ATXN7L1: variants seen among roughly 807,000 people sequenced by gnomAD.
ATXN7L1 encodes the protein ataxin-7-like protein 1.
Under a neutral mutation model 70.8 loss-of-function variants are expected in ATXN7L1, and 15 were observed. The ratio of observed to expected loss-of-function variants is 0.21; its 90% CI spans 0.14 to 0.33. ATXN7L1 has a LOEUF of 0.33. Ranked by LOEUF, ATXN7L1 falls within the 10% of genes least tolerant of loss-of-function variation. ATXN7L1 has a pLI of 1.00. For missense variants in ATXN7L1, 975 were observed against 1,097.1 expected (o/e 0.89, Z 1.57); for synonymous variants, 440 against 445.1 (o/e 0.99, Z 0.14).
At chr7:105,623,915 G>T (rs1393783831) in intron 8 of ATXN7L1, among the ~76,000 whole-genome samples, 160 bp downstream of exon 8, 1 of 152,222 alleles carries the variant, frequency 6.6e-6, no homozygotes, top group African/African-American at 2.4e-5. Context: ...TAATGTTCAA[G>T]GGTATTTCTA....
intron 3 of ATXN7L1, among the ~76,000 whole-genome samples, chr7:105,693,415 C>A (rs1336496083): frequency 6.6e-6 from 1 of 152,154 alleles, no homozygotes; most frequent in Non-Finnish European, 1.5e-5. Context: ...TAGTCCTGAA[C>A]TCCTGGCCTC....
chr7:105,784,219 C>A (rs780242167), intron 3 of ATXN7L1, among the ~76,000 whole-genome samples: 3 of 152,152 alleles, frequency 2.0e-5, no homozygotes, highest in Non-Finnish European at 4.4e-5. Context: ...CTCCCTTGGC[C>A]TCCCAAAATG....
At chr7:105,807,703 G>A (rs1807821986) in intron 2 of ATXN7L1, among the ~76,000 whole-genome samples, 2 of 152,236 alleles carry the variant, frequency 1.3e-5, no homozygotes, top group Non-Finnish European at 2.9e-5. Context: ...CTGGGCTGCA[G>A]TAGCATGGAC....
At chr7:105,707,153 T>C (rs1352862246) in intron 3 of ATXN7L1, among the ~76,000 whole-genome samples, 1 of 152,022 alleles carries the variant, frequency 6.6e-6, no homozygotes, top group Non-Finnish European at 1.5e-5. Context: ...GGCTTCCTGG[T>C]GGAGTTAGAT....
chr7:105,819,908 G>T (rs1330438350), intron 2 of ATXN7L1: 6 of 534,320 alleles, frequency 1.1e-5, no homozygotes, highest in Non-Finnish European at 2.2e-5. Flanking sequence ...TACGTGGGGC[G>T]CCTGGCTCAC....
chr7:105,640,069 G>T lies in ATXN7L1; in HGVS notation c.863-500C>A, dbSNP rs559020242. ...CCTGCTAGTTTTAGCCATGTAAATG[G>T]GAGATTACTCCTTGACATGTCAGAG... On this transcript the variant is annotated intron_variant, in intron 5 of 11. Transcript: ENST00000419735. Among the ~76,000 whole-genome samples, 6 of 152,252 alleles carry T rather than the reference G, an allele frequency of 3.9e-5. No homozygotes were observed. In the East Asian group the frequency reaches 1.2e-3, roughly 29 times the overall value.
At chr7:105,717,299 T>G (rs1174183894) in intron 3 of ATXN7L1, among the ~76,000 whole-genome samples, 3 of 152,164 alleles carry the variant, frequency 2.0e-5, no homozygotes, top group Admixed American at 2.0e-4. Flanking sequence ...GGCTAATTTT[T>G]GTATTTTTAG....
At chr7:105,701,854 G>A (rs1299450304) in intron 3 of ATXN7L1, among the ~76,000 whole-genome samples, 1 of 152,166 alleles carries the variant, frequency 6.6e-6, no homozygotes, top group Non-Finnish European at 1.5e-5. Flanking sequence ...ACAAGCATGA[G>A]CCACGGTGCC....
At chr7:105,835,812 C>T (rs1358823449) in intron 2 of ATXN7L1, among the ~76,000 whole-genome samples, 1 of 152,094 alleles carries the variant, frequency 6.6e-6, no homozygotes, top group Non-Finnish European at 1.5e-5. Context: ...AAGGGACTTT[C>T]ACAACACTGG....
chr7:105,768,965 C>A (rs1216316949), intron 3 of ATXN7L1, among the ~76,000 whole-genome samples: 2 of 152,172 alleles, frequency 1.3e-5, no homozygotes, highest in Non-Finnish European at 2.9e-5. Context: ...GCCTTTTCCC[C>A]CCCTGGGGTC....
At chr7:105,865,910 C>A (rs1817398381) in intron 2 of ATXN7L1, among the ~76,000 whole-genome samples, 1 of 152,156 alleles carries the variant, frequency 6.6e-6, no homozygotes, top group Admixed American at 6.5e-5. Context: ...TCTGACTACT[C>A]TAGGAACTTC....
intron 9 of ATXN7L1, chr7:105,617,703 A>G: frequency 2.9e-6 from 1 of 349,312 alleles, no homozygotes; most frequent in South Asian, 2.2e-5. Context: ...TGGCCCAGGG[A>G]AGTCCCACAC....
intron 2 of ATXN7L1, among the ~76,000 whole-genome samples, chr7:105,808,151 C>G (rs1407856312): frequency 6.6e-6 from 1 of 152,214 alleles, no homozygotes; most frequent in Non-Finnish European, 1.5e-5. Flanking sequence ...CCCCAGGACA[C>G]ACAGGGCCTG....
chr7:105,641,214 C>CTCTTTT (rs1316374331), intron 5 of ATXN7L1, among the ~76,000 whole-genome samples: 3 of 21,788 alleles, frequency 1.4e-4, no homozygotes, highest in Non-Finnish European at 1.7e-4. Flanking sequence ...CTCTCTCTCT[C>CTCTTTT]TTTTTTTTTT....
chr7:105,827,091 G>A (rs538122183), intron 2 of ATXN7L1, among the ~76,000 whole-genome samples: 2 of 152,234 alleles, frequency 1.3e-5, no homozygotes, highest in Admixed American at 1.3e-4. Flanking sequence ...AACGGAAGGC[G>A]AGGTTGAAAA....
intron 3 of ATXN7L1, chr7:105,677,964 C>G: frequency 4.1e-6 from 4 of 985,380 alleles, no homozygotes; most frequent in Non-Finnish European, 4.8e-6. Context: ...CTGTCGTGGT[C>G]CCACAGCAGC....
At chr7:105,741,834 G>A (rs956620024) in intron 3 of ATXN7L1, among the ~76,000 whole-genome samples, 2 of 152,196 alleles carry the variant, frequency 1.3e-5, no homozygotes, top group African/African-American at 4.8e-5. Context: ...AGAGCACCTG[G>A]TGAAGATGAA....
intron 4 of ATXN7L1, chr7:105,649,631 C>CT (rs1799567976): frequency 3.2e-6 from 3 of 939,092 alleles, no homozygotes; most frequent in Non-Finnish European, 3.8e-6. Flanking sequence ...GCAGGGCCAG[C>CT]TGCCCACCTG....
chr7:105,838,558 T>C (rs1214061828), intron 2 of ATXN7L1, among the ~76,000 whole-genome samples: 1 of 152,180 alleles, frequency 6.6e-6, no homozygotes, highest in Admixed American at 6.5e-5. Context: ...GGTTAGATTC[T>C]GTGAAATTCC....
Sources: gnomAD v4.1 joint callset for allele counts (sites outside exome capture counted in the v4.1 genomes callset) on GRCh38, gnomAD v4.1.1 for gene constraint, MANE v1.5 for transcripts, NCBI Gene and HGNC (gene_info 2026-07-23, HGNC 2026-07-21) for gene names.